UPF2: variants seen among roughly 807,000 people sequenced by gnomAD.
UPF2 encodes the protein regulator of nonsense transcripts 2.
UPF2 carries 17 observed loss-of-function variants against 141.4 expected under a neutral mutation model. The observed-to-expected ratio is 0.12, with a 90% CI of 0.08 to 0.18. The LOEUF (loss-of-function observed/expected upper bound fraction) is 0.18, where lower values mean the gene tolerates loss of function less well. UPF2 is among the 10% of genes least tolerant of loss of function. UPF2 has a pLI of 1.00. For missense variants in UPF2, 1,152 were observed against 1,515.9 expected, an observed-to-expected ratio of 0.76 and a Z score of 3.99; for synonymous variants, 540 against 498.0, an observed-to-expected ratio of 1.08 and a Z score of -1.12.
intron 18 of UPF2, among the ~76,000 whole-genome samples, chr10:11,937,222 T>C (rs1832864049): frequency 6.6e-6 from 1 of 152,240 alleles, no homozygotes; most frequent in South Asian, 2.1e-4. Context: ...TCAATTATTT[T>C]TAGCATTTAC....
At position 12,029,239 on chromosome 10, in the gene UPF2, A is replaced by G. The variant is rs766071679; in HGVS notation, c.651T>C (p.Ser217=). 70 of 1,614,046 alleles carry G rather than the reference A, an allele frequency of 4.3e-5. No homozygotes were observed. The highest frequency in any genetic ancestry group is 5.8e-5 in the Non-Finnish European group (68 of 1,180,032). ...ASIVEAKLKI[S]DVNCAVHLCS... is the part of the protein sequence containing the mutation. Reference sequence around the variant, plus strand: ...AGAGGTGCACAGCACAGTTCACATCAGAGATTTTTAGTTTTGCTTCCACGA... The same window carrying G: ...AGAGGTGCACAGCACAGTTCACATCGGAGATTTTTAGTTTTGCTTCCACGA... The change falls in exon 3 of 22, where the codon TCT becomes TCC. Residue 217 remains serine, a synonymous_variant. Transcript: ENST00000357604.
chr10:11,972,063 C>CAAAAAAAAAAAAA (rs58355538), intron 9 of UPF2, among the ~76,000 whole-genome samples: 1 of 101,032 alleles, frequency 9.9e-6, no homozygotes, highest in Non-Finnish European at 2.1e-5. Flanking sequence ...GACTCTGTCT[C>CAAAAAAAAAAAAA]AAAAAAAAAA....
chr10:12,010,438 A>G (rs919224944), intron 4 of UPF2, among the ~76,000 whole-genome samples: 11 of 152,242 alleles, frequency 7.2e-5, no homozygotes, highest in African/African-American at 2.7e-4. Context: ...CAAGACATAG[A>G]TATAAAAAAT....
chr10:11,934,091 A>G (rs1222540827), intron 19 of UPF2, among the ~76,000 whole-genome samples: 1 of 151,974 alleles, frequency 6.6e-6, no homozygotes, highest in Non-Finnish European at 1.5e-5. Context: ...TGATGGGGGG[A>G]ATGGAGGAGG....
intron 18 of UPF2, among the ~76,000 whole-genome samples, chr10:11,938,860 T>TTTTTTTTTG (rs1564337815): frequency 1.4e-5 from 1 of 71,356 alleles, no homozygotes; most frequent in African/African-American, 5.8e-5. Context: ...TTTGTTTTTT[T>TTTTTTTTTG]TTTTTTTTTT....
intron 11 of UPF2, among the ~76,000 whole-genome samples, chr10:11,961,136 C>G (rs1833234570): frequency 1.3e-5 from 2 of 151,164 alleles, no homozygotes; most frequent in Admixed American, 6.6e-5. Context: ...GTGTTATGCA[C>G]TATGGCAGGT....
Position 11,952,155 on chromosome 10 carries a change from A to T in UPF2, c.2945T>A (p.Leu982Gln). ...IDYMISDTLE[L>Q]LRPKIKLCNS... Reference sequence around the variant, plus strand: ...ACAGAGTTTGATCTTTGGTCTTAGCAGTTCTAGTGTATCACTGATCATGTA... The same window carrying T: ...ACAGAGTTTGATCTTTGGTCTTAGCTGTTCTAGTGTATCACTGATCATGTA... Residue 982 changes from leucine (L) to glutamine (Q), a missense_variant, in exon 15 of 22, where the codon CTG becomes CAG. Transcript: ENST00000357604. 6.2e-7 allele frequency: 1 copy of T among 1,614,010 alleles called. No homozygotes were observed. The highest frequency in any genetic ancestry group is 8.5e-7 in the Non-Finnish European group (1 of 1,179,928).
intron 20 of UPF2, among the ~76,000 whole-genome samples, chr10:11,930,528 C>T (rs1464235200): frequency 4.6e-5 from 7 of 152,132 alleles, no homozygotes; most frequent in African/African-American, 1.2e-4. Context: ...TGTAACCCTA[C>T]CACTTTGGGA....
At chr10:12,040,117 G>C (rs912469776) in intron 1 of UPF2, among the ~76,000 whole-genome samples, 1 of 152,064 alleles carries the variant, frequency 6.6e-6, no homozygotes, top group Non-Finnish European at 1.5e-5. Flanking sequence ...AGCTGCAGTA[G>C]GCATGCAAGA....
In UPF2 at chr10:12,014,875, T is replaced by C. The variant is rs1224318533; in HGVS notation, c.1146-691A>G. Among the ~76,000 whole-genome samples the C allele has an allele frequency of 6.6e-6, 1 of 152,202 alleles. No individual in the cohort carries two copies. Among genetic ancestry groups the C allele is most frequent in the Admixed American group, 6.6e-5 (1 of 15,266 alleles). ...CTACTGTGCAAGTACTGGTTATTTA[T>C]CCAGGTAACAAATACTGAGAAGTCC... On this transcript the variant is annotated intron_variant, in intron 3 of 21. Transcript: ENST00000357604. This position sits in a 1 kb window ranked among gnomAD's most constrained non-coding sequence, Gnocchi z 5.0.
chr10:11,938,842 G>GTTTTTTTTTTGTTTTTGTTTTTTTT (rs1832887553), intron 18 of UPF2, among the ~76,000 whole-genome samples: 5 of 45,868 alleles, frequency 1.1e-4, no homozygotes, highest in African/African-American at 3.5e-4. Flanking sequence ...TCTTAAGCAA[G>GTTTTTTTTTTGTTTTTGTTTTTTTT]TTTTTTTTTT....
At position 11,936,772 on chromosome 10, in the gene UPF2, T is replaced by C; in HGVS notation, c.3379-60A>G. ...CAAGATATATACGGATATATGTCAA[T>C]ATAAATTGCAAACTCATTCAATGCT... On this transcript the variant is annotated intron_variant, in intron 18 of 21. Transcript: ENST00000357604. The surrounding 1 kb of genome is among the most constrained non-coding windows in gnomAD (Gnocchi z 6.6). 1 of 1,462,822 alleles carries C rather than the reference T, an allele frequency of 6.8e-7. No individual in the cohort carries two copies. The highest frequency in any genetic ancestry group is 9.1e-7 in the Non-Finnish European group (1 of 1,099,890). The allele number at this position is 1,462,822 out of a possible 1,614,324, so 90.6% of individuals were successfully genotyped here. A position where few individuals can be genotyped will look rare whatever the true frequency, so the allele number is the denominator to read the frequency against.
chr10:11,942,927 G>C, intron 17 of UPF2, 137 bp downstream of exon 17: 1 of 928,504 alleles, frequency 1.1e-6, no homozygotes, highest in South Asian at 1.6e-5. Flanking sequence ...AAAATGGTTA[G>C]GAAAACAAAT....
rs533149547 is a variant in UPF2, at chr10:12,014,792, T to G, written c.1146-608A>C. On this transcript the variant is annotated intron_variant, in intron 3 of 21. Coordinates refer to ENST00000357604, the MANE Select transcript of UPF2 (RefSeq NM_015542.4). This position sits in a 1 kb window ranked among gnomAD's most constrained non-coding sequence, Gnocchi z 5.0. ...GTTATCCTTAAACTTCCATAATGAT[T>G]TGAATCAAGATTATCTTTTGAAAAA... Among the ~76,000 whole-genome samples, 3 of 152,310 alleles carry G rather than the reference T, an allele frequency of 2.0e-5. No individual in the cohort carries two copies. Among genetic ancestry groups the G allele is most frequent in the Admixed American group, 1.3e-4 (2 of 15,296 alleles).
At chr10:12,006,248 G>A (rs74116815) in intron 4 of UPF2, among the ~76,000 whole-genome samples, 18 of 152,126 alleles carry the variant, frequency 1.2e-4, no homozygotes, top group Non-Finnish European at 1.5e-4. Context: ...AAGATGAAGC[G>A]TACAGATCTC....
intron 11 of UPF2, among the ~76,000 whole-genome samples, chr10:11,960,521 T>C (rs1833223126): frequency 2.0e-5 from 3 of 152,022 alleles, no homozygotes; most frequent in Admixed American, 6.6e-5. Flanking sequence ...TAAGCTTTGA[T>C]CATGTCACTG....
intron 9 of UPF2, among the ~76,000 whole-genome samples, chr10:11,968,768 A>G (rs1833364205): frequency 6.6e-6 from 1 of 152,220 alleles, no homozygotes; most frequent in Non-Finnish European, 1.5e-5. Context: ...TTAACCTCAG[A>G]ATTCCATTTT....
Position 12,035,099 on chromosome 10 carries a change from C to T in UPF2, c.325G>A (p.Ala109Thr). ...GCTTCTTCTTCTTGCTGACGTTTGG[C>T]CTGCTCTTCTTGCTTCTTTCTCTCT... ...EEERKKQEEQ[A>T]KRQQEEEAAA... The change falls in exon 2 of 22, where the codon GCC becomes ACC. Residue 109 changes from alanine (A) to threonine (T), a missense_variant. Physicochemically the swap from Ala to Thr is moderately conservative, Grantham distance 58. Coordinates refer to ENST00000357604, the MANE Select transcript of UPF2 (RefSeq NM_015542.4). The T allele has an allele frequency of 6.3e-7, 1 of 1,584,748 alleles. No homozygotes were observed. The highest frequency in any genetic ancestry group is 8.5e-7 in the Non-Finnish European group (1 of 1,173,128).
chr10:12,012,272 CA>C (rs1834142034), intron 4 of UPF2, among the ~76,000 whole-genome samples: 1 of 151,360 alleles, frequency 6.6e-6, no homozygotes, highest in Non-Finnish European at 1.5e-5. Flanking sequence ...CATGTTGCGC[CA>C]AGCTGTTCTC....
Sources: allele counts gnomAD v4.1 joint callset (sites outside exome capture counted in the v4.1 genomes callset), GRCh38; gene constraint gnomAD v4.1.1; non-coding constraint Gnocchi (gnomAD v3.1); transcripts MANE v1.5; gene names NCBI Gene and HGNC (gene_info 2026-07-23, HGNC 2026-07-21).